Variants in TULP3 observed in about 807,000 individuals in gnomAD.
The protein encoded by TULP3 is tubby-related protein 3.
In TULP3, 38 loss-of-function variants were observed where a neutral mutation model predicts 50.7. That is an observed-to-expected ratio of 0.75 (90% CI 0.58 to 0.98). TULP3 has a LOEUF of 0.98. Among genes scored for constraint, TULP3 ranks in the 50% least tolerant of loss-of-function variants. TULP3 has a pLI of 0.00. For missense variants in TULP3, 550 were observed against 568.0 expected (o/e 0.97, Z 0.32); for synonymous variants, 183 against 196.6 (o/e 0.93, Z 0.58).
At chr12:2,900,650 G>C (rs1161997373) in intron 1 of TULP3, among the ~76,000 whole-genome samples, 2 of 150,352 alleles carry the variant, frequency 1.3e-5, no homozygotes, top group Admixed American at 1.3e-4. Context: ...TTAATAGTTT[G>C]TGTATATCCT....
In TULP3 at chr12:2,939,949, C is replaced by A. The variant is rs2098203738; in HGVS notation, c.*505C>A. ...GGTCTCCAAAGCTAGAATGGGATTT[C>A]ATGTGCTTGGAAACTTGCAGTAGAA... is the stretch of plus-strand genomic sequence containing the variant. On this transcript the variant is annotated 3_prime_UTR_variant, in exon 11 of 11. Coordinates refer to ENST00000448120, the MANE Select transcript of TULP3 (RefSeq NM_003324.5). This position sits in a 1 kb window ranked among gnomAD's most constrained non-coding sequence, Gnocchi z 4.0. 3.1e-6 allele frequency: 4 copies of A among 1,273,624 alleles called. No homozygotes were observed. In the Admixed American group the frequency reaches 9.3e-5, roughly 29 times the overall value. The allele number at this position is 1,273,624 out of a possible 1,614,324, so 78.9% of individuals were successfully genotyped here. A position where few individuals can be genotyped will look rare whatever the true frequency, so the allele number is the denominator to read the frequency against.
At chr12:2,894,815 ACCTGGGAGGCGGAGGTTGCG>A (rs138751282) in intron 1 of TULP3, among the ~76,000 whole-genome samples, 66,709 of 151,664 alleles carry the variant, frequency 0.44, 17,750 homozygotes, top group Non-Finnish European at 0.58. Context: ...AATTGTTTGA[ACCTGGGAGGCGGAGGTTGCG>A]GTGAGCCGAG....
At chr12:2,902,921 G>C (rs1422354778) in intron 1 of TULP3, among the ~76,000 whole-genome samples, 1 of 149,680 alleles carries the variant, frequency 6.7e-6, no homozygotes, top group Non-Finnish European at 1.5e-5. Context: ...GAGTGTCATG[G>C]CGTGATCCCA....
rs755192000 is a variant in TULP3, at chr12:2,890,947, C to A, written c.-1C>A. 3 of 1,596,866 alleles carry A rather than the reference C, an allele frequency of 1.9e-6. No individual in the cohort carries two copies. The highest frequency in any genetic ancestry group is 2.3e-5 in the South Asian group (2 of 88,504). ...TGGTGGGGGCTTCCTCGGTGGCGGG[C>A]ATGGAGGCTTCGCGCTGCCGGCTCA... On this transcript the variant is annotated 5_prime_UTR_variant, in exon 1 of 11. Transcript: ENST00000448120.
In TULP3 at chr12:2,933,303, A is replaced by C. The variant is rs550821428; in HGVS notation, c.697-115A>C. On this transcript the variant is annotated intron_variant, in intron 6 of 10. Coordinates refer to ENST00000448120, the MANE Select transcript of TULP3 (RefSeq NM_003324.5). The stretch of plus-strand genomic sequence containing the variant: ...TAAAGGCCCAAAGATTAACAGCTTG[A>C]CATATGCTGAGGACTTGCTAAGCAC... The C allele has an allele frequency of 1.3e-4, 88 of 654,932 alleles. No homozygotes were observed. The East Asian group carries it at 2.1e-3, about 16-fold the overall frequency. 40.6% of individuals were successfully genotyped at this position (654,932 alleles called of 1,614,324 possible). A position where few individuals can be genotyped will look rare whatever the true frequency, so the allele number is the denominator to read the frequency against.
chr12:2,940,603 G>A lies in TULP3; in HGVS notation c.*1159G>A. On this transcript the variant is annotated 3_prime_UTR_variant, in exon 11 of 11. Coordinates refer to ENST00000448120, the MANE Select transcript of TULP3 (RefSeq NM_003324.5). The stretch of plus-strand genomic sequence containing the variant: ...AGCACCATTCAGCTGCATCCCTTGT[G>A]CACAGAACTGTTTGCCAGCGTTGGG... The A allele has an allele frequency of 1.3e-6, 2 of 1,551,748 alleles. No individual in the cohort carries two copies. Among genetic ancestry groups the A allele is most frequent in the South Asian group, 1.2e-5 (1 of 84,068 alleles).
At position 2,915,081 on chromosome 12, in the gene TULP3, C is replaced by T. The variant is rs185673257; in HGVS notation, c.93+5501C>T. Among the ~76,000 whole-genome samples, 14 of 152,140 alleles carry T rather than the reference C, an allele frequency of 9.2e-5. No homozygotes were observed. In the East Asian group the frequency reaches 1.9e-3, roughly 21 times the overall value. ...TTGGCTCACTGCAACCTCTGCCTCT[C>T]GGGTTCAAGCGATTCTTATGCCTCA... is the stretch of plus-strand genomic sequence containing the variant. On this transcript the variant is annotated intron_variant, in intron 2 of 10. Transcript: ENST00000448120.
At chr12:2,915,834 G>A (rs562808610) in intron 2 of TULP3, among the ~76,000 whole-genome samples, 7 of 151,712 alleles carry the variant, frequency 4.6e-5, no homozygotes, top group South Asian at 2.1e-4. Context: ...GTGAGCCACC[G>A]TGCCCGGCCG....
At chr12:2,925,428 G>A (rs2098194138) in intron 4 of TULP3, among the ~76,000 whole-genome samples, 1 of 152,178 alleles carries the variant, frequency 6.6e-6, no homozygotes, top group Admixed American at 6.6e-5. Context: ...AGAGACAAGA[G>A]AGGTACCAGG....
chr12:2,910,047 C>T (rs1314277898), intron 2 of TULP3, among the ~76,000 whole-genome samples: 2 of 152,184 alleles, frequency 1.3e-5, no homozygotes, highest in East Asian at 3.9e-4. Flanking sequence ...CATCCCAGCA[C>T]TGTGGGAGGC....
At chr12:2,898,816 A>G (rs2098177096) in intron 1 of TULP3, among the ~76,000 whole-genome samples, 1 of 151,182 alleles carries the variant, frequency 6.6e-6, no homozygotes, top group Non-Finnish European at 1.5e-5. Flanking sequence ...AGTAGCTGGG[A>G]TTACAGGTGT....
rs767887151 is a variant in TULP3, at chr12:2,934,484, C to T, written c.847C>T (p.Arg283Cys). The T allele has an allele frequency of 4.4e-5, 71 of 1,604,036 alleles. No homozygotes were observed. The highest frequency in any genetic ancestry group is 5.3e-5 in the Non-Finnish European group (62 of 1,175,744). The change falls in exon 8 of 11, where the codon CGT (arginine) becomes TGT (cysteine). Residue 283 changes from arginine (R) to cysteine (C), a missense_variant. By Grantham distance (180) the Arg-to-Cys change is radical. Transcript: ENST00000448120. The part of the protein sequence containing the change: ...LMGTKFTVYD[R>C]GICPMKGRGL... ...GGGGACCAAGTTTACAGTTTATGAC[C>T]GTGGCATCTGCCCCATGAAGGGCCG...
chr12:2,936,240 A>C (rs2098201190), intron 8 of TULP3, among the ~76,000 whole-genome samples: 1 of 152,170 alleles, frequency 6.6e-6, no homozygotes, highest in South Asian at 2.1e-4. Flanking sequence ...ACTGCACTCC[A>C]GCCTGGGTGA....
At chr12:2,895,810 G>T (rs2153947497) in intron 1 of TULP3, among the ~76,000 whole-genome samples, 1 of 152,218 alleles carries the variant, frequency 6.6e-6, no homozygotes, top group East Asian at 1.9e-4. Flanking sequence ...TACCTACCTA[G>T]GCCCTGTGGT....
At chr12:2,914,197 T>C (rs10774079) in intron 2 of TULP3, among the ~76,000 whole-genome samples, 33,790 of 149,986 alleles carry the variant, frequency 0.23, 3,858 homozygotes, top group East Asian at 0.35. Flanking sequence ...CAATCTTGGC[T>C]CACTGCAACC....
At chr12:2,911,879 C>G (rs2098185889) in intron 2 of TULP3, among the ~76,000 whole-genome samples, 1 of 151,332 alleles carries the variant, frequency 6.6e-6, no homozygotes, top group African/African-American at 2.4e-5. Context: ...GTTCCAGCTG[C>G]CTGGGAGGCT....
chr12:2,931,240 G>A lies in TULP3; in HGVS notation c.696G>A (p.Lys232=). The change falls in exon 6 of 11, where the codon AAG becomes AAA. Residue 232 remains lysine (K), a splice_region_variant and synonymous_variant. Transcript: ENST00000448120. ...YMYLEKEENQ[K]IFLLAARKRK... ...ACTTGGAAAAAGAAGAAAATCAGAA[G>A]GTATGAGAATTGATTTCTAAGAAAA... 6.2e-7 allele frequency: 1 copy of A among 1,613,438 alleles called. No homozygotes were observed. The highest frequency in any genetic ancestry group is 8.5e-7 in the Non-Finnish European group (1 of 1,179,712).
intron 1 of TULP3, among the ~76,000 whole-genome samples, chr12:2,903,408 C>G (rs555830256): frequency 1.1e-4 from 16 of 151,252 alleles, no homozygotes; most frequent in African/African-American, 3.9e-4. Flanking sequence ...ACTAAAAATA[C>G]AAAATTAGCC....
intron 6 of TULP3, among the ~76,000 whole-genome samples, chr12:2,933,099 C>T (rs544872716): frequency 2.0e-5 from 3 of 152,202 alleles, no homozygotes; most frequent in South Asian, 4.1e-4. Flanking sequence ...TCTGCAACCA[C>T]GCCCAGCTAA....
Sources: allele counts gnomAD v4.1 joint callset (sites outside exome capture counted in the v4.1 genomes callset), GRCh38; gene constraint gnomAD v4.1.1; non-coding constraint Gnocchi (gnomAD v3.1); transcripts MANE v1.5; gene names NCBI Gene and HGNC (gene_info 2026-07-23, HGNC 2026-07-21).